PRKAG2: variants seen among roughly 807,000 people sequenced by gnomAD.
The protein encoded by PRKAG2 is protein kinase AMP-activated non-catalytic subunit gamma 2.
Under a neutral mutation model 69.6 loss-of-function variants are expected in PRKAG2, and 26 were observed. The observed-to-expected ratio is 0.37, with a 90% CI of 0.27 to 0.52. The LOEUF (loss-of-function observed/expected upper bound fraction) is 0.52. Among genes scored for constraint, PRKAG2 ranks in the 20% least tolerant of loss-of-function variants. The pLI, the probability that PRKAG2 is intolerant of heterozygous loss-of-function variation, is 0.90. For missense variants in PRKAG2, 557 were observed against 740.0 expected, an observed-to-expected ratio of 0.75 and a Z score of 2.87; for synonymous variants, 293 against 285.0, an observed-to-expected ratio of 1.03 and a Z score of -0.28.
At chr7:151,721,956 T>C (rs1445033653) in intron 3 of PRKAG2, among the ~76,000 whole-genome samples, 1 of 152,138 alleles carries the variant, frequency 6.6e-6, no homozygotes, top group Non-Finnish European at 1.5e-5. Flanking sequence ...ACCTCCTCCA[T>C]GCAGCCCACC....
intron 4 of PRKAG2, among the ~76,000 whole-genome samples, chr7:151,652,899 G>A (rs1056763193): frequency 6.6e-6 from 1 of 152,170 alleles, no homozygotes; most frequent in African/African-American, 2.4e-5. Context: ...GATTACAGAT[G>A]GAAGCCACCA....
At chr7:151,624,451 T>C (rs115525830) in intron 5 of PRKAG2, among the ~76,000 whole-genome samples, 1,587 of 152,150 alleles carry the variant, frequency 0.01, 31 homozygotes, top group African/African-American at 0.035. Flanking sequence ...CACCCGGCCG[T>C]GGCAGCATAT....
rs2078587576 is a variant in PRKAG2 at position 151,814,682 on chromosome 7, TC to T, written c.115-28142del. On this transcript the variant is annotated intron_variant, in intron 1 of 15. Coordinates refer to ENST00000287878, the MANE Select transcript of PRKAG2 (RefSeq NM_016203.4). The surrounding 1 kb of genome is among the most constrained non-coding windows in gnomAD (Gnocchi z 4.8). ...GGACCGGGGCTGGGTGTGTTCCCAG[TC>T]CCCAAGGCAGCGCAACAAGCGGCTG... The T allele has an allele frequency of 8.1e-7, 1 of 1,231,562 alleles. No homozygotes were observed. The highest frequency in any genetic ancestry group is 4.1e-5 in the South Asian group (1 of 24,316). The allele number at this position is 1,231,562 out of a possible 1,614,324, so 76.3% of individuals were successfully genotyped here. A position where few individuals can be genotyped will look rare whatever the true frequency, so the allele number is the denominator to read the frequency against.
At chr7:151,817,626 G>GCCCCT (rs1392752992) in intron 1 of PRKAG2, among the ~76,000 whole-genome samples, 1 of 152,156 alleles carries the variant, frequency 6.6e-6, no homozygotes, top group Non-Finnish European at 1.5e-5. Context: ...TGCCCCTAAA[G>GCCCCT]CCCCTCCCTG....
intron 3 of PRKAG2, among the ~76,000 whole-genome samples, chr7:151,778,304 T>C (rs1228722329): frequency 6.6e-6 from 1 of 152,146 alleles, no homozygotes; most frequent in Non-Finnish European, 1.5e-5. Context: ...TTTACTACAA[T>C]ACCAAGATCT....
At chr7:151,797,379 C>T (rs1209136380) in intron 1 of PRKAG2, among the ~76,000 whole-genome samples, 1 of 152,094 alleles carries the variant, frequency 6.6e-6, no homozygotes, top group Non-Finnish European at 1.5e-5. Flanking sequence ...CACCGAGTTG[C>T]TGGCTGGCTC....
At chr7:151,748,339 A>C (rs923794276) in intron 3 of PRKAG2, among the ~76,000 whole-genome samples, 1 of 152,220 alleles carries the variant, frequency 6.6e-6, no homozygotes, top group African/African-American at 2.4e-5. Flanking sequence ...AATTTCATAG[A>C]GGTTATCAGA....
At chr7:151,861,691 T>C (rs533561753) in intron 1 of PRKAG2, among the ~76,000 whole-genome samples, 91 of 152,212 alleles carry the variant, frequency 6.0e-4, no homozygotes, top group African/African-American at 2.1e-3. Flanking sequence ...GCAACCCTTC[T>C]AGACACAGAC....
chr7:151,841,091 C>G (rs1460324562), intron 1 of PRKAG2, among the ~76,000 whole-genome samples: 2 of 152,220 alleles, frequency 1.3e-5, no homozygotes, highest in Non-Finnish European at 2.9e-5. Context: ...TGGATTCAAA[C>G]AATTCTCTCA....
chr7:151,678,771 C>CA (rs1833361881), intron 3 of PRKAG2, among the ~76,000 whole-genome samples: 1 of 152,036 alleles, frequency 6.6e-6, no homozygotes, highest in African/African-American at 2.4e-5. Flanking sequence ...CCAGACTGGC[C>CA]AACATGGCAA....
intron 3 of PRKAG2, among the ~76,000 whole-genome samples, chr7:151,748,476 C>T (rs377766321): frequency 1.0e-3 from 153 of 152,048 alleles, no homozygotes; most frequent in African/African-American, 3.4e-3. Flanking sequence ...TTTAATAGGA[C>T]GTCAACATAC....
intron 4 of PRKAG2, among the ~76,000 whole-genome samples, chr7:151,636,024 A>ATT (rs113433056): frequency 4.0e-5 from 6 of 150,140 alleles, no homozygotes; most frequent in African/African-American, 7.3e-5. Context: ...AATTTTTTGT[A>ATT]TTTTTTTTAG....
rs932231457 is a variant in PRKAG2 at position 151,719,200 on chromosome 7, A to G, written c.467-43563T>C. 6.6e-6 allele frequency among the ~76,000 whole-genome samples: 1 copy of G among 152,132 alleles called. No individual in the cohort carries two copies. The highest frequency in any genetic ancestry group is 2.4e-5 in the African/African-American group (1 of 41,452). ...AGTGGAAGTGCAGACAGAAAGCCCC[A>G]TGGCAGAAGGGAGAGAGGTCCTGCC... On this transcript the variant is annotated intron_variant, in intron 3 of 15. Coordinates refer to ENST00000287878, the MANE Select transcript of PRKAG2 (RefSeq NM_016203.4). The surrounding 1 kb of genome is among the most constrained non-coding windows in gnomAD (Gnocchi z 5.2).
chr7:151,846,650 C>T (rs1181041520), intron 1 of PRKAG2, among the ~76,000 whole-genome samples: 2 of 152,034 alleles, frequency 1.3e-5, no homozygotes, highest in Non-Finnish European at 2.9e-5. Context: ...GCATGTATGT[C>T]TGTATGTGTA....
intron 3 of PRKAG2, among the ~76,000 whole-genome samples, chr7:151,764,014 G>T (rs2075589870): frequency 1.3e-5 from 2 of 152,206 alleles, no homozygotes; most frequent in Admixed American, 1.3e-4. Flanking sequence ...AGGTGGAGAG[G>T]GGCACAAATG....
chr7:151,846,861 T>C (rs558898293), intron 1 of PRKAG2, among the ~76,000 whole-genome samples: 55 of 152,340 alleles, frequency 3.6e-4, no homozygotes, highest in African/African-American at 1.2e-3. Context: ...TTGGTCATAT[T>C]TGAAGAGGAG....
At chr7:151,683,201 G>A (rs1046161135) in intron 3 of PRKAG2, among the ~76,000 whole-genome samples, 1 of 152,252 alleles carries the variant, frequency 6.6e-6, no homozygotes, top group East Asian at 1.9e-4. Flanking sequence ...GGAGCCATGG[G>A]CTGGTGACTT....
chr7:151,752,941 G>A (rs58765808), intron 3 of PRKAG2, among the ~76,000 whole-genome samples: 3,771 of 152,284 alleles, frequency 0.025, 126 homozygotes, highest in African/African-American at 0.075. Flanking sequence ...CCAAGTGACC[G>A]GCGTCCACTT....
At chr7:151,818,784 C>T (rs998020225) in intron 1 of PRKAG2, among the ~76,000 whole-genome samples, 11 of 152,296 alleles carry the variant, frequency 7.2e-5, no homozygotes, top group African/African-American at 1.4e-4. Flanking sequence ...ATTCGGGGCA[C>T]GGCATGCCAC....
Sources: gnomAD v4.1 joint callset for allele counts (sites outside exome capture counted in the v4.1 genomes callset) on GRCh38, gnomAD v4.1.1 for gene constraint, Gnocchi (gnomAD v3.1) non-coding constraint, MANE v1.5 for transcripts, NCBI Gene and HGNC (gene_info 2026-07-23, HGNC 2026-07-21) for gene names.